Variants in LDB2 observed in about 807,000 individuals in gnomAD.
LDB2 encodes the protein LIM domain-binding protein 2.
LDB2 carries 12 observed loss-of-function variants against 44.3 expected under a neutral mutation model. The ratio of observed to expected loss-of-function variants is 0.27; its 90% CI spans 0.17 to 0.44. The LOEUF is 0.44. Among genes scored for constraint, LDB2 ranks in the 20% least tolerant of loss-of-function variants. The pLI, the probability that LDB2 is intolerant of heterozygous loss-of-function variation, is 1.00. For synonymous variants in LDB2, 164 were observed against 174.8 expected, an observed-to-expected ratio of 0.94 and a Z score of 0.49; for missense variants, 344 against 473.5, an observed-to-expected ratio of 0.73 and a Z score of 2.54.
At chr4:16,643,701 A>G (rs1291458206) in intron 2 of LDB2, among the ~76,000 whole-genome samples, 1 of 152,206 alleles carries the variant, frequency 6.6e-6, no homozygotes, top group African/African-American at 2.4e-5. Context: ...TGCCATAGAA[A>G]CATCTTAAAA....
intron 2 of LDB2, among the ~76,000 whole-genome samples, chr4:16,731,288 T>C (rs1760696382): frequency 6.6e-6 from 1 of 152,156 alleles, no homozygotes; most frequent in Admixed American, 6.6e-5. Flanking sequence ...TCCCACTTTG[T>C]ACAAACTTAT....
chr4:16,873,011 T>A (rs917240284), intron 1 of LDB2, among the ~76,000 whole-genome samples: 13 of 152,126 alleles, frequency 8.5e-5, no homozygotes, highest in African/African-American at 3.1e-4. Flanking sequence ...ATAAGGAAAA[T>A]GCTCACCATC....
intron 7 of LDB2, among the ~76,000 whole-genome samples, chr4:16,505,360 C>T (rs546841072): frequency 2.6e-4 from 39 of 149,600 alleles, no homozygotes; most frequent in African/African-American, 9.4e-4. Flanking sequence ...AGAGAGAGAG[C>T]GTGTGTGTGT....
intron 2 of LDB2, among the ~76,000 whole-genome samples, chr4:16,661,026 T>C (rs114828753): frequency 0.011 from 1,719 of 152,334 alleles, 12 homozygotes; most frequent in Non-Finnish European, 0.019. Flanking sequence ...CAATAGACTT[T>C]TGATTATAAA....
chr4:16,768,484 C>T (rs560093011), intron 1 of LDB2, among the ~76,000 whole-genome samples: 79 of 152,292 alleles, frequency 5.2e-4, no homozygotes, highest in Non-Finnish European at 9.4e-4. Context: ...GGCAGAAACA[C>T]ACTTGCTACA....
intron 5 of LDB2, among the ~76,000 whole-genome samples, chr4:16,579,680 T>C (rs7693951): frequency 0.39 from 58,661 of 152,036 alleles, 12,146 homozygotes; most frequent in Middle Eastern, 0.63. Context: ...TTCTAGGTAG[T>C]GATTTTAGAA....
At chr4:16,528,062 C>A (rs973413463) in intron 5 of LDB2, among the ~76,000 whole-genome samples, 2 of 151,892 alleles carry the variant, frequency 1.3e-5, no homozygotes, top group Non-Finnish European at 2.9e-5. Context: ...TTAGCAACAA[C>A]CTGGATGGGA....
chr4:16,788,971 G>A (rs1426644362), intron 1 of LDB2, among the ~76,000 whole-genome samples: 1 of 152,196 alleles, frequency 6.6e-6, no homozygotes, highest in East Asian at 1.9e-4. Flanking sequence ...ATTTTGGAAT[G>A]CATGCTATGG....
chr4:16,893,011 A>T, intron 1 of LDB2: 1 of 688,806 alleles, frequency 1.5e-6, no homozygotes, highest in Non-Finnish European at 1.8e-6. Flanking sequence ...CAGTTCCCAT[A>T]GTAAGAAAAT....
At chr4:16,785,736 A>T (rs1043734064) in intron 1 of LDB2, among the ~76,000 whole-genome samples, 14 of 152,248 alleles carry the variant, frequency 9.2e-5, no homozygotes, top group Admixed American at 2.6e-4. Flanking sequence ...CCCTCGACCC[A>T]CATCCACACC....
chr4:16,633,903 A>T (rs1367069231), intron 2 of LDB2, among the ~76,000 whole-genome samples: 1 of 152,206 alleles, frequency 6.6e-6, no homozygotes, highest in African/African-American at 2.4e-5. Flanking sequence ...TGGTGCTGGT[A>T]CCAAAACAGA....
At chr4:16,638,574 A>G (rs976501539) in intron 2 of LDB2, among the ~76,000 whole-genome samples, 8 of 152,368 alleles carry the variant, frequency 5.3e-5, no homozygotes, top group African/African-American at 1.9e-4. Flanking sequence ...AATGGGATCC[A>G]GTGTGTCAAC....
intron 1 of LDB2, among the ~76,000 whole-genome samples, chr4:16,774,955 G>A (rs1771578286): frequency 6.6e-6 from 1 of 152,174 alleles, no homozygotes; most frequent in Non-Finnish European, 1.5e-5. Context: ...TACACTAGAA[G>A]TAATAAACGA....
At chr4:16,605,800 C>G (rs1365699206) in intron 2 of LDB2, among the ~76,000 whole-genome samples, 2 of 152,164 alleles carry the variant, frequency 1.3e-5, no homozygotes, top group African/African-American at 4.8e-5. Flanking sequence ...GAGACCTCCC[C>G]GCCCTGCTCA....
At chr4:16,783,362 C>T (rs1419809231) in intron 1 of LDB2, among the ~76,000 whole-genome samples, 1 of 152,248 alleles carries the variant, frequency 6.6e-6, no homozygotes, top group Non-Finnish European at 1.5e-5. Flanking sequence ...CCAAATCCTG[C>T]ATAAGGAAGG....
chr4:16,839,315 G>A (rs771285309), intron 1 of LDB2, among the ~76,000 whole-genome samples: 1 of 152,204 alleles, frequency 6.6e-6, no homozygotes, highest in South Asian at 2.1e-4. Flanking sequence ...TGTGTGCAGA[G>A]ATCACTTGGT....
intron 2 of LDB2, among the ~76,000 whole-genome samples, chr4:16,705,521 C>G (rs891982043): frequency 6.6e-6 from 1 of 152,134 alleles, no homozygotes; most frequent in African/African-American, 2.4e-5. Flanking sequence ...GAATGAGAGG[C>G]AGGAAATTCA....
intron 2 of LDB2, among the ~76,000 whole-genome samples, chr4:16,656,338 T>C (rs1259384785): frequency 6.6e-6 from 1 of 152,004 alleles, no homozygotes; most frequent in East Asian, 1.9e-4. Context: ...AAGCAGGGAG[T>C]CAGAAGGAGA....
At chr4:16,825,030 T>C (rs1782792440) in intron 1 of LDB2, among the ~76,000 whole-genome samples, 1 of 152,190 alleles carries the variant, frequency 6.6e-6, no homozygotes, top group South Asian at 2.1e-4. Flanking sequence ...GTATTTGCAA[T>C]GCAGTGGTAG....
Sources: gnomAD v4.1 joint callset for allele counts (sites outside exome capture counted in the v4.1 genomes callset) on GRCh38, gnomAD v4.1.1 for gene constraint, MANE v1.5 for transcripts, NCBI Gene and HGNC (gene_info 2026-07-23, HGNC 2026-07-21) for gene names.